PTPN2: variants seen among roughly 807,000 people sequenced by gnomAD.
The protein encoded by PTPN2 is tyrosine-protein phosphatase non-receptor type 2.
PTPN2 carries 19 observed loss-of-function variants against 57.3 expected under a neutral mutation model. The ratio of observed to expected loss-of-function variants is 0.33; its 90% CI spans 0.23 to 0.49. The LOEUF (loss-of-function observed/expected upper bound fraction) is 0.49. PTPN2 is among the 20% of genes least tolerant of loss of function. The probability of loss-of-function intolerance (pLI) is 0.99; values close to 1 mark genes in which losing one functional copy is unlikely to be tolerated. For synonymous variants in PTPN2, 153 were observed against 164.9 expected, an observed-to-expected ratio of 0.93 and a Z score of 0.55; for missense variants, 358 against 501.1, an observed-to-expected ratio of 0.71 and a Z score of 2.73.
At chr18:12,830,262 G>A (rs1015221311) in intron 4 of PTPN2, among the ~76,000 whole-genome samples, 6 of 152,034 alleles carry the variant, frequency 3.9e-5, no homozygotes, top group African/African-American at 1.5e-4. Context: ...CGGTTCTCCT[G>A]CCTCAGCCTC....
At chr18:12,822,191 T>C (rs2042293363) in intron 5 of PTPN2, among the ~76,000 whole-genome samples, 1 of 126,742 alleles carries the variant, frequency 7.9e-6, no homozygotes, top group Non-Finnish European at 1.7e-5. Flanking sequence ...ACATTCTAGG[T>C]AGAATAAACT....
In PTPN2 at chr18:12,859,543, A is replaced by G. The variant is rs376938928; in HGVS notation, c.70-289T>C. ...ATTGAACCAAGGTCCTTCAGATGCC[A>G]AAGTCTGTGCTCTAGATCTGTTTAC... On this transcript the variant is annotated intron_variant, in intron 1 of 8. Coordinates refer to ENST00000309660, the MANE Select transcript of PTPN2 (RefSeq NM_002828.4). Among the ~76,000 whole-genome samples the G allele has an allele frequency of 4.6e-5, 7 of 152,324 alleles. No homozygotes were observed. In the East Asian group the frequency reaches 1.2e-3, roughly 25 times the overall value.
intron 1 of PTPN2, among the ~76,000 whole-genome samples, chr18:12,876,050 A>G (rs951362910): frequency 6.6e-6 from 1 of 152,288 alleles, no homozygotes; most frequent in South Asian, 2.1e-4. Context: ...TCTACAAAAC[A>G]TAAAAAATTA....
intron 2 of PTPN2, among the ~76,000 whole-genome samples, chr18:12,855,094 G>C (rs1325637779): frequency 6.6e-6 from 1 of 152,232 alleles, no homozygotes; most frequent in Non-Finnish European, 1.5e-5. Context: ...AAGGAAACCA[G>C]TGGAAAGTCT....
At chr18:12,883,295 C>A (rs1463348921) in intron 1 of PTPN2, among the ~76,000 whole-genome samples, 3 of 152,226 alleles carry the variant, frequency 2.0e-5, no homozygotes, top group Non-Finnish European at 4.4e-5. Flanking sequence ...CACGCTATCA[C>A]TGGACGAACA....
Position 12,793,158 on chromosome 18 carries a change from G to C in PTPN2, c.*1120C>G. 1.0e-6 allele frequency: 1 copy of C among 985,226 alleles called. No homozygotes were observed. Among genetic ancestry groups the C allele is most frequent in the South Asian group, 4.7e-5 (1 of 21,278 alleles). 61.0% of individuals were successfully genotyped at this position (985,226 alleles called of 1,614,324 possible). A position where few individuals can be genotyped will look rare whatever the true frequency, so the allele number is the denominator to read the frequency against. On this transcript the variant is annotated 3_prime_UTR_variant, in exon 9 of 9. Transcript: ENST00000309660. Reference sequence around the variant, plus strand: ...CAAATTAAACACTGAATGGAATGTTGAAATCTGAGGAAAGCTAGCATTCAA... The same window carrying C: ...CAAATTAAACACTGAATGGAATGTTCAAATCTGAGGAAAGCTAGCATTCAA...
At chr18:12,819,094 CAAAAAA>C (rs34910954) in intron 5 of PTPN2, 3 of 270,082 alleles carry the variant, frequency 1.1e-5, no homozygotes, top group Non-Finnish European at 1.9e-5. Flanking sequence ...AACTCCATCT[CAAAAAA>C]AAAAAAAAAA....
At chr18:12,850,765 G>A (rs1348875086) in intron 2 of PTPN2, among the ~76,000 whole-genome samples, 1 of 151,374 alleles carries the variant, frequency 6.6e-6, no homozygotes, top group African/African-American at 2.4e-5. Context: ...TTGAGACAGA[G>A]TTTCGCTCTC....
chr18:12,884,180 G>C lies in PTPN2; in HGVS notation c.-39C>G, dbSNP rs758160986. ...AGCTGGCGCGAGCAGAGCCTGCGCC[G>C]GCGGAGAGGCTCAGGCCCCGCACGA... On this transcript the variant is annotated 5_prime_UTR_variant, in exon 1 of 9. Coordinates refer to ENST00000309660, the MANE Select transcript of PTPN2 (RefSeq NM_002828.4). The C allele has an allele frequency of 8.5e-6, 13 of 1,526,720 alleles. No homozygotes were observed. Among genetic ancestry groups the C allele is most frequent in the African/African-American group, 2.8e-5 (2 of 71,340 alleles). 94.6% of individuals were successfully genotyped at this position (1,526,720 alleles called of 1,614,324 possible).
chr18:12,810,968 GTTTT>G (rs2145290633), intron 7 of PTPN2, among the ~76,000 whole-genome samples: 1 of 152,266 alleles, frequency 6.6e-6, no homozygotes, highest in African/African-American at 2.4e-5. Context: ...TCCCTTGTTT[GTTTT>G]GTTACTCAAT....
chr18:12,787,687 A>G (rs1053925063), downstream of PTPN2: 4 of 152,216 alleles, frequency 2.6e-5, no homozygotes, highest in Admixed American at 1.3e-4. Flanking sequence ...TAAAGACTTT[A>G]CTTGCAAGAC....
chr18:12,881,931 C>G (rs1195109118), intron 1 of PTPN2, among the ~76,000 whole-genome samples: 1 of 152,190 alleles, frequency 6.6e-6, no homozygotes, highest in Non-Finnish European at 1.5e-5. Flanking sequence ...TAGCACATAA[C>G]AAGCATGTTA....
rs1157942872 is a variant in PTPN2, at chr18:12,859,345, C to T, written c.70-91G>A. On this transcript the variant is annotated intron_variant, in intron 1 of 8. Transcript: ENST00000309660. ...AGCCAGCGTAAAATAACATGAAGCA[C>T]TTATGATATGCCAAGTACTATGGAA... 9.0e-5 allele frequency: 73 copies of T among 807,912 alleles called. No individual in the cohort carries two copies. In the Admixed American group the frequency reaches 1.6e-3, roughly 18 times the overall value. 50.0% of individuals were successfully genotyped at this position (807,912 alleles called of 1,614,324 possible).
At chr18:12,841,854 T>A (rs1363134603) in intron 2 of PTPN2, among the ~76,000 whole-genome samples, 2 of 152,162 alleles carry the variant, frequency 1.3e-5, no homozygotes, top group Non-Finnish European at 2.9e-5. Context: ...TGGTAGCTTG[T>A]ATAAAATAAG....
At chr18:12,852,651 G>A (rs964531749) in intron 2 of PTPN2, among the ~76,000 whole-genome samples, 12 of 152,252 alleles carry the variant, frequency 7.9e-5, no homozygotes, top group African/African-American at 2.9e-4. Context: ...AAAGCGTTGG[G>A]ACTACAATCA....
intron 3 of PTPN2, among the ~76,000 whole-genome samples, chr18:12,832,195 C>A (rs2042692480): frequency 6.6e-6 from 1 of 152,192 alleles, no homozygotes. Context: ...CAGCTCACTG[C>A]AACCTCCACT....
chr18:12,794,664 C>T (rs931373915), intron 8 of PTPN2, among the ~76,000 whole-genome samples, 179 bp from the exon 9 acceptor site: 5 of 152,164 alleles, frequency 3.3e-5, no homozygotes, highest in Non-Finnish European at 5.9e-5. Context: ...CTCTGTCACC[C>T]AGCCTGGAGT....
chr18:12,874,519 G>T (rs1371545304), intron 1 of PTPN2, among the ~76,000 whole-genome samples: 1 of 92,318 alleles, frequency 1.1e-5, no homozygotes, highest in Non-Finnish European at 2.1e-5. Flanking sequence ...CAGCCGCCCC[G>T]TCCGGGAGGA....
At chr18:12,858,319 A>G (rs1034187864) in intron 2 of PTPN2, among the ~76,000 whole-genome samples, 8 of 152,220 alleles carry the variant, frequency 5.3e-5, no homozygotes, top group African/African-American at 1.9e-4. Flanking sequence ...AAACATAGGG[A>G]AATATGCTGA....
Sources: gnomAD v4.1 joint callset for allele counts (sites outside exome capture counted in the v4.1 genomes callset) on GRCh38, gnomAD v4.1.1 for gene constraint, MANE v1.5 for transcripts, NCBI Gene and HGNC (gene_info 2026-07-23, HGNC 2026-07-21) for gene names.